The following CHCHD3 variants were observed in gnomAD, a reference collection of about 807,000 sequenced individuals.
The protein encoded by CHCHD3 is coiled-coil-helix-coiled-coil-helix domain containing 3, also known as MICOS complex subunit MIC19.
Under a neutral mutation model 38.2 loss-of-function variants are expected in CHCHD3, and 20 were observed. The ratio of observed to expected loss-of-function variants is 0.52; its 90% CI spans 0.37 to 0.76. The LOEUF (loss-of-function observed/expected upper bound fraction) is 0.76, where lower values mean the gene tolerates loss of function less well. Among genes scored for constraint, CHCHD3 ranks in the 30% least tolerant of loss-of-function variants. The probability of loss-of-function intolerance (pLI) is 0.00; values close to 1 mark genes in which losing one functional copy is unlikely to be tolerated. For synonymous variants in CHCHD3, 82 were observed against 100.0 expected, an observed-to-expected ratio of 0.82 and a Z score of 1.07; for missense variants, 245 against 279.2, an observed-to-expected ratio of 0.88 and a Z score of 0.87.
chr7:132,853,984 A>C (rs1808282948), intron 5 of CHCHD3, among the ~76,000 whole-genome samples: 1 of 152,100 alleles, frequency 6.6e-6, no homozygotes, highest in South Asian at 2.1e-4. Flanking sequence ...ATTTGATTTT[A>C]CCCTATCAAA....
At chr7:132,795,848 C>T (rs1487515557) in intron 7 of CHCHD3, among the ~76,000 whole-genome samples, 2 of 152,190 alleles carry the variant, frequency 1.3e-5, no homozygotes, top group African/African-American at 4.8e-5. Flanking sequence ...AGAAAATGCA[C>T]GTCCTGTGAA....
At chr7:132,830,103 A>G (rs553286915) in intron 6 of CHCHD3, among the ~76,000 whole-genome samples, 1 of 152,364 alleles carries the variant, frequency 6.6e-6, no homozygotes, top group East Asian at 1.9e-4. Flanking sequence ...AAAGTAAATA[A>G]CTAACCAGGC....
chr7:132,861,927 T>C (rs891397063), intron 5 of CHCHD3, among the ~76,000 whole-genome samples: 53 of 152,204 alleles, frequency 3.5e-4, no homozygotes, highest in African/African-American at 1.2e-3. Context: ...AATGTTAAAC[T>C]GGATGATTAG....
At chr7:132,881,269 A>G (rs1809049332) in intron 5 of CHCHD3, among the ~76,000 whole-genome samples, 1 of 152,156 alleles carries the variant, frequency 6.6e-6, no homozygotes, top group Non-Finnish European at 1.5e-5. Context: ...ACCTGGGTAG[A>G]GGGAGTTCCA....
intron 4 of CHCHD3, chr7:132,973,490 T>C: frequency 2.0e-6 from 2 of 985,484 alleles, no homozygotes; most frequent in Non-Finnish European, 2.4e-6. Flanking sequence ...ATTCTGAAAT[T>C]ATTCCCCTTT....
intron 4 of CHCHD3, among the ~76,000 whole-genome samples, chr7:132,971,498 A>G (rs1811611800): frequency 6.6e-6 from 1 of 152,206 alleles, no homozygotes; most frequent in Non-Finnish European, 1.5e-5. Context: ...CAGGGCCATC[A>G]TGACTTTGCC....
At chr7:132,976,476 T>C in intron 3 of CHCHD3, among the ~76,000 whole-genome samples, 1 of 152,178 alleles carries the variant, frequency 6.6e-6, no homozygotes, top group Non-Finnish European at 1.5e-5. Flanking sequence ...ATTTTTGCCA[T>C]AGTGCCTGGC....
rs991046233 is a variant in CHCHD3, at chr7:132,803,782, G to A, written c.525-7205C>T. Among the ~76,000 whole-genome samples, 7 of 148,594 alleles carry A rather than the reference G, an allele frequency of 4.7e-5. No homozygotes were observed. In the East Asian group the frequency reaches 8.1e-4, roughly 17 times the overall value. ...GAAAGGGAAGGAATACACTCTTCCC[G>A]GTGGTGGGTTGCTGTGCCCAGCCAG... On this transcript the variant is annotated intron_variant, in intron 6 of 7. Coordinates refer to ENST00000262570, the MANE Select transcript of CHCHD3 (RefSeq NM_017812.4).
At chr7:132,819,988 A>C (rs1807303547) in intron 6 of CHCHD3, among the ~76,000 whole-genome samples, 1 of 152,222 alleles carries the variant, frequency 6.6e-6, no homozygotes, top group Admixed American at 6.5e-5. Flanking sequence ...TTAATATTTA[A>C]AGTTTTGGCT....
intron 5 of CHCHD3, among the ~76,000 whole-genome samples, chr7:132,839,527 C>CAAA (rs1807884684): frequency 6.6e-6 from 1 of 152,168 alleles, no homozygotes; most frequent in African/African-American, 2.4e-5. Context: ...CATTAAAAAA[C>CAAA]AACAACAACA....
intron 6 of CHCHD3, among the ~76,000 whole-genome samples, chr7:132,812,976 T>C (rs1807109286): frequency 6.7e-6 from 1 of 149,678 alleles, no homozygotes; most frequent in East Asian, 2.0e-4. Context: ...CTCCAATGCC[T>C]CACAGTCGAT....
intron 4 of CHCHD3, among the ~76,000 whole-genome samples, chr7:132,940,095 G>T (rs1810727772): frequency 6.6e-6 from 1 of 152,162 alleles, no homozygotes; most frequent in Admixed American, 6.5e-5. Context: ...ACATGGACAA[G>T]AACATACACC....
At chr7:132,900,611 A>T (rs1376910952) in intron 4 of CHCHD3, among the ~76,000 whole-genome samples, 1 of 152,238 alleles carries the variant, frequency 6.6e-6, no homozygotes, top group South Asian at 2.1e-4. Context: ...GCTGGACTCA[A>T]AAGAATAATT....
rs186655671 is a variant in CHCHD3 at position 133,079,099 on chromosome 7, G to A, written c.81+2758C>T. On this transcript the variant is annotated intron_variant, in intron 1 of 7. Coordinates refer to ENST00000262570, the MANE Select transcript of CHCHD3 (RefSeq NM_017812.4). ...AGACAAAAAAACACCCTCAATTAGG[G>A]CAGAATGTAAGACTCCCATTTCCCA... is the stretch of plus-strand genomic sequence containing the variant. Among the ~76,000 whole-genome samples, 444 of 152,288 alleles carry A rather than the reference G, an allele frequency of 2.9e-3. 2 individuals are homozygous for A. The South Asian group carries it at 0.033, about 11-fold the overall frequency.
At chr7:132,859,217 T>C (rs59193725) in intron 5 of CHCHD3, among the ~76,000 whole-genome samples, 21,220 of 152,100 alleles carry the variant, frequency 0.14, 1,591 homozygotes, top group Middle Eastern at 0.18. Context: ...CAATGAGATA[T>C]TTAAAAGTTA....
At chr7:132,977,749 T>G (rs1479153179) in intron 3 of CHCHD3, among the ~76,000 whole-genome samples, 1 of 152,232 alleles carries the variant, frequency 6.6e-6, no homozygotes, top group African/African-American at 2.4e-5. Context: ...GTGTATCTAA[T>G]TTTAAAGTAC....
At chr7:132,905,759 A>T (rs1208119767) in intron 4 of CHCHD3, among the ~76,000 whole-genome samples, 2 of 152,218 alleles carry the variant, frequency 1.3e-5, no homozygotes, top group African/African-American at 4.8e-5. Context: ...TTAACCGTCC[A>T]TTTGGATGGG....
chr7:132,940,005 C>G (rs1274727482), intron 4 of CHCHD3, among the ~76,000 whole-genome samples: 5 of 152,152 alleles, frequency 3.3e-5, no homozygotes, highest in Admixed American at 3.3e-4. Context: ...AGCTAGTTAT[C>G]TAAAAGGCGT....
chr7:132,808,715 C>A (rs917299007), intron 6 of CHCHD3, among the ~76,000 whole-genome samples: 1 of 148,944 alleles, frequency 6.7e-6, no homozygotes, highest in Non-Finnish European at 1.5e-5. Flanking sequence ...ATTTTTGGTT[C>A]TTTTGTTGTT....
Sources: allele counts gnomAD v4.1 joint callset (sites outside exome capture counted in the v4.1 genomes callset), GRCh38; gene constraint gnomAD v4.1.1; transcripts MANE v1.5; gene names NCBI Gene and HGNC (gene_info 2026-07-23, HGNC 2026-07-21).